The following SLC12A7 variants were observed in gnomAD, a reference collection of about 807,000 sequenced individuals.
The protein encoded by SLC12A7 is solute carrier family 12 member 7, also known as K-Cl cotransporter 4.
In SLC12A7, 100 loss-of-function variants were observed where a neutral mutation model predicts 120.6. That is an observed-to-expected ratio of 0.83 (90% CI 0.71 to 0.98). SLC12A7 has a LOEUF of 0.98. SLC12A7 is among the 50% of genes least tolerant of loss of function. SLC12A7 has a pLI of 0.00. For synonymous variants in SLC12A7, 760 were observed against 678.0 expected (o/e 1.12, Z -1.88); for missense variants, 1,373 against 1,548.1 (o/e 0.89, Z 1.90).
chr5:1,120,540 C>T, the SLC12A7 span, among the ~76,000 whole-genome samples: 9 of 152,242 alleles, frequency 5.9e-5, no homozygotes, highest in South Asian at 4.1e-4. Flanking sequence ...GTGGAATGCA[C>T]GGCCACTGTG....
chr5:1,132,838 G>A, the SLC12A7 span, among the ~76,000 whole-genome samples: 3 of 152,210 alleles, frequency 2.0e-5, no homozygotes, highest in South Asian at 2.1e-4. Context: ...GATAAGACAC[G>A]GGCACTCGGC....
chr5:1,094,655 G>C (rs1188963266), intron 1 of SLC12A7, among the ~76,000 whole-genome samples: 1 of 152,234 alleles, frequency 6.6e-6, no homozygotes, highest in African/African-American at 2.4e-5. Flanking sequence ...CTCTGGCGTT[G>C]AAAATCTCTC....
rs2150870077 is a variant in SLC12A7, at chr5:1,089,228, T to A, written c.343-100A>T. On this transcript the variant is annotated intron_variant, in intron 3 of 23. Coordinates refer to ENST00000264930, the MANE Select transcript of SLC12A7 (RefSeq NM_006598.3). ...AGGCCCTGGGCAGGCAAAGCGGCCG[T>A]GGGGGCAGGAGGGGGCAGGAGTCCT... is the stretch of plus-strand genomic sequence containing the variant. The A allele has an allele frequency of 2.2e-6, 3 of 1,386,248 alleles. No individual in the cohort carries two copies. The South Asian group carries it at 4.0e-5, about 19-fold the overall frequency. The allele number at this position is 1,386,248 out of a possible 1,614,324, so 85.9% of individuals were successfully genotyped here.
chr5:1,063,318 A>G (rs936561214), intron 20 of SLC12A7, among the ~76,000 whole-genome samples: 17 of 152,268 alleles, frequency 1.1e-4, no homozygotes, highest in African/African-American at 3.6e-4. Flanking sequence ...AGGTGAGCCC[A>G]TCTGGGGAGA....
the SLC12A7 span, among the ~76,000 whole-genome samples, chr5:1,147,443 G>T: frequency 6.7e-6 from 1 of 150,352 alleles, no homozygotes; most frequent in Non-Finnish European, 1.5e-5. Context: ...GGAGAGACCC[G>T]CCAGGAGTCC....
At chr5:1,073,906 A>G (rs1738016465) in intron 16 of SLC12A7, 105 bp from the exon 17 acceptor site, 2 of 1,130,134 alleles carry the variant, frequency 1.8e-6, no homozygotes, top group African/African-American at 3.2e-5. Context: ...CACAGGTGGG[A>G]CGGGAGATAC....
intron 7 of SLC12A7, 98 bp from the exon 8 acceptor site, chr5:1,084,054 G>A (rs974327196): frequency 3.2e-5 from 33 of 1,026,638 alleles, no homozygotes; most frequent in East Asian, 5.1e-5. Context: ...TGTCGCCCGC[G>A]AGTGGCTCCT....
the SLC12A7 span, among the ~76,000 whole-genome samples, chr5:1,141,132 G>A: frequency 6.6e-5 from 10 of 151,952 alleles, no homozygotes; most frequent in South Asian, 2.1e-4. Flanking sequence ...CTGAGCTGTA[G>A]GCGGGCACCG....
chr5:1,126,752 C>T, the SLC12A7 span, among the ~76,000 whole-genome samples: 692 of 152,220 alleles, frequency 4.5e-3, 3 homozygotes, highest in Middle Eastern at 0.01. Context: ...AGTTTTCTGT[C>T]GAACTAAATT....
chr5:1,154,390 C>CACACACACAG, the SLC12A7 span, among the ~76,000 whole-genome samples: 4 of 151,160 alleles, frequency 2.6e-5, no homozygotes, highest in East Asian at 1.9e-4. Flanking sequence ...CACACACACA[C>CACACACACAG]AGAGACACAT....
the SLC12A7 span, among the ~76,000 whole-genome samples, chr5:1,123,610 G>C: frequency 6.6e-6 from 1 of 152,242 alleles, no homozygotes; most frequent in Non-Finnish European, 1.5e-5. Context: ...AGAGACCGCC[G>C]CACAGAAGTG....
chr5:1,070,036 GCCCCCAGTGAGC>G (rs781375760), intron 17 of SLC12A7, among the ~76,000 whole-genome samples: 1,196 of 7,464 alleles, frequency 0.16, 49 homozygotes, highest in Middle Eastern at 0.29. Flanking sequence ...CACTTATGCA[GCCCCCAGTGAGC>G]CCCCAGTGAG....
chr5:1,083,812 C>T lies in SLC12A7; in HGVS notation c.1062G>A (p.Glu354=). Residue 354 remains glutamate (E), a synonymous_variant, in exon 8 of 24, where the codon GAG becomes GAA. Transcript: ENST00000264930. ...CGGTGACGTTGTTCTGGATGAAGTACTCGTCACAGGCGGCGCTGGGCTGGG... is the reference window on the plus strand; with the variant it reads ...CGGTGACGTTGTTCTGGATGAAGTATTCGTCACAGGCGGCGCTGGGCTGGG... ...NGSQPSAACD[E]YFIQNNVTEI... is the part of the protein sequence containing the mutation. 6.2e-7 allele frequency: 1 copy of T among 1,611,758 alleles called. No homozygotes were observed. Among genetic ancestry groups the T allele is most frequent in the Non-Finnish European group, 8.5e-7 (1 of 1,179,266 alleles).
At chr5:1,057,757 G>T in intron 21 of SLC12A7, 108 bp from the exon 22 acceptor site, 1 of 1,086,200 alleles carries the variant, frequency 9.2e-7, no homozygotes. Flanking sequence ...AACCTGAAGG[G>T]CCCTGTGTGC....
At chr5:1,105,366 T>C (rs538407366) in intron 1 of SLC12A7, among the ~76,000 whole-genome samples, 145 of 116,844 alleles carry the variant, frequency 1.2e-3, no homozygotes, top group Middle Eastern at 6.8e-3. Context: ...GGACCCTCCC[T>C]GCAGGGATGA....
At chr5:1,066,981 C>CCA (rs1737122949) in intron 17 of SLC12A7, among the ~76,000 whole-genome samples, 1 of 152,140 alleles carries the variant, frequency 6.6e-6, no homozygotes, top group Non-Finnish European at 1.5e-5. Flanking sequence ...TGCCGAGATT[C>CCA]CAGCAGCCCC....
chr5:1,089,883 C>T (rs1277817506), intron 3 of SLC12A7, among the ~76,000 whole-genome samples: 1 of 152,254 alleles, frequency 6.6e-6, no homozygotes, highest in African/African-American at 2.4e-5. Context: ...GAAGTTTCAG[C>T]TCCATCCCCA....
chr5:1,093,482 G>A (rs1343418742), intron 3 of SLC12A7, 51 bp downstream of exon 3: 8 of 590,320 alleles, frequency 1.4e-5, no homozygotes, highest in Non-Finnish European at 1.9e-5. Flanking sequence ...ATCTAACCCT[G>A]CCGGGACACA....
At chr5:1,122,504 A>G in the SLC12A7 span, among the ~76,000 whole-genome samples, 1 of 152,220 alleles carries the variant, frequency 6.6e-6, no homozygotes, top group East Asian at 1.9e-4. Flanking sequence ...TAATACATAA[A>G]ATTGCCATTT....
Sources: gnomAD v4.1 joint callset for allele counts (sites outside exome capture counted in the v4.1 genomes callset) on GRCh38, gnomAD v4.1.1 for gene constraint, MANE v1.5 for transcripts, NCBI Gene and HGNC (gene_info 2026-07-23, HGNC 2026-07-21) for gene names.